Variants in PLPPR4 observed in about 807,000 individuals in gnomAD.
The protein encoded by PLPPR4 is phospholipid phosphatase related 4, also known as phospholipid phosphatase-related protein type 4.
Under a neutral mutation model 56.6 loss-of-function variants are expected in PLPPR4, and 24 were observed. That is an observed-to-expected ratio of 0.42 (90% CI 0.31 to 0.60). The LOEUF (loss-of-function observed/expected upper bound fraction) is 0.60. Among genes scored for constraint, PLPPR4 ranks in the 20% least tolerant of loss-of-function variants. The pLI is 0.13. For synonymous variants in PLPPR4, 326 were observed against 328.1 expected (o/e 0.99, Z 0.07); for missense variants, 654 against 885.8 (o/e 0.74, Z 3.32).
chr1:99,289,866 C>T, intron 2 of PLPPR4, among the ~76,000 whole-genome samples: 1 of 152,092 alleles, frequency 6.6e-6, no homozygotes, highest in East Asian at 1.9e-4. Flanking sequence ...AAGCATTCCC[C>T]ATTGAAAAAC....
In PLPPR4 at chr1:99,308,084, C is replaced by T. The variant is rs6690522; in HGVS notation, c.*1074C>T. The T allele has an allele frequency of 6.6e-6, 1 of 152,160 alleles. No individual in the cohort carries two copies. Among genetic ancestry groups the T allele is most frequent in the African/African-American group, 2.4e-5 (1 of 41,426 alleles). The allele number at this position is 152,160 out of a possible 1,614,324, so 9.4% of individuals were successfully genotyped here. On this transcript the variant is annotated 3_prime_UTR_variant, in exon 7 of 7. Coordinates refer to ENST00000370185, the MANE Select transcript of PLPPR4 (RefSeq NM_014839.5). The stretch of plus-strand genomic sequence containing the variant: ...TTTGCCCTTAGATGTCTACAACTAG[C>T]TGGCATAGGTTGCCATCTTAACAAG...
chr1:99,292,092 A>T (rs1412931770), intron 2 of PLPPR4, among the ~76,000 whole-genome samples: 1 of 152,196 alleles, frequency 6.6e-6, no homozygotes, highest in Non-Finnish European at 1.5e-5. Context: ...TACACAAATG[A>T]TCATGCCTCT....
At chr1:99,300,887 T>C in intron 4 of PLPPR4, 22 bp from the exon 5 acceptor site, 1 of 1,600,646 alleles carries the variant, frequency 6.2e-7, no homozygotes. Context: ...CAAGGCATAA[T>C]TTGACTATCT....
intron 1 of PLPPR4, among the ~76,000 whole-genome samples, chr1:99,287,230 T>G (rs1031525028): frequency 6.7e-6 from 1 of 149,644 alleles, no homozygotes; most frequent in Non-Finnish European, 1.5e-5. Context: ...TTCCTCTTTA[T>G]GGGTGCATAG....
At chr1:99,291,655 T>C (rs1463245138) in intron 2 of PLPPR4, among the ~76,000 whole-genome samples, 1 of 152,138 alleles carries the variant, frequency 6.6e-6, no homozygotes. Context: ...CCATTATCTT[T>C]AGCAAACTAA....
chr1:99,305,139 A>G (rs1023271576), intron 6 of PLPPR4, among the ~76,000 whole-genome samples: 3 of 152,174 alleles, frequency 2.0e-5, no homozygotes, highest in Admixed American at 6.6e-5. Flanking sequence ...ACCCTGTACA[A>G]TGCTGAACAC....
chr1:99,289,190 A>C (rs1659551726), intron 2 of PLPPR4, among the ~76,000 whole-genome samples: 1 of 152,152 alleles, frequency 6.6e-6, no homozygotes, highest in African/African-American at 2.4e-5. Context: ...ATGTTCATGA[A>C]TGTCAAAGGA....
intron 1 of PLPPR4, among the ~76,000 whole-genome samples, chr1:99,287,230 T>C (rs1031525028): frequency 6.7e-6 from 1 of 149,644 alleles, no homozygotes; most frequent in African/African-American, 2.5e-5. Context: ...TTCCTCTTTA[T>C]GGGTGCATAG....
chr1:99,263,518 T>C (rs1277111698), upstream of PLPPR4, among the ~76,000 whole-genome samples: 5 of 152,094 alleles, frequency 3.3e-5, no homozygotes, highest in African/African-American at 7.2e-5. Flanking sequence ...CTTGGAGATA[T>C]TGGAAATGGC....
At chr1:99,283,689 G>C (rs890051005) in intron 1 of PLPPR4, among the ~76,000 whole-genome samples, 2 of 152,170 alleles carry the variant, frequency 1.3e-5, no homozygotes, top group East Asian at 3.9e-4. Flanking sequence ...GGTGGCTCAC[G>C]CCTGTAATCC....
chr1:99,276,457 C>A (rs775640089), intron 1 of PLPPR4, among the ~76,000 whole-genome samples: 8 of 151,934 alleles, frequency 5.3e-5, no homozygotes, highest in African/African-American at 1.9e-4. Context: ...TTTTAATAAA[C>A]ATCATGAAAA....
At chr1:99,290,141 C>G (rs1270231704) in intron 2 of PLPPR4, among the ~76,000 whole-genome samples, 1 of 151,826 alleles carries the variant, frequency 6.6e-6, no homozygotes, top group African/African-American at 2.4e-5. Flanking sequence ...AATCCTATAC[C>G]CCAACAACAG....
At chr1:99,296,932 T>C in intron 3 of PLPPR4, 65 bp downstream of exon 3, 4 of 1,367,376 alleles carry the variant, frequency 2.9e-6, no homozygotes, top group Non-Finnish European at 3.9e-6. Context: ...TTATATTTAA[T>C]TATAGATATT....
chr1:99,280,070 G>A (rs1481395543), intron 1 of PLPPR4, among the ~76,000 whole-genome samples: 2 of 152,112 alleles, frequency 1.3e-5, no homozygotes, highest in Non-Finnish European at 2.9e-5. Context: ...ACAGAGTGGC[G>A]TTTTTCAAAC....
intron 6 of PLPPR4, among the ~76,000 whole-genome samples, chr1:99,302,173 T>C (rs1185971466): frequency 1.3e-5 from 2 of 152,096 alleles, no homozygotes; most frequent in East Asian, 3.8e-4. Flanking sequence ...ATTACTACTA[T>C]AATTATAATG....
chr1:99,306,264 A>G lies in PLPPR4; in HGVS notation c.1402A>G (p.Met468Val), dbSNP rs1660027254. 1 of 1,614,084 alleles carries G rather than the reference A, an allele frequency of 6.2e-7. No homozygotes were observed. Among genetic ancestry groups the G allele is most frequent in the Admixed American group, 1.7e-5 (1 of 59,996 alleles). Reference sequence around the variant, plus strand: ...CGCTGTCCCCGGATGTAACAACAGCATGCCTGGAGGGCCAAGAGTGTCCAT... The same window carrying G: ...CGCTGTCCCCGGATGTAACAACAGCGTGCCTGGAGGGCCAAGAGTGTCCAT... Reference protein sequence around the residue: ...PGAVPGCNNSMPGGPRVSIQS... With the variant: ...PGAVPGCNNSVPGGPRVSIQS... The change falls in exon 7 of 7, where the codon ATG (methionine) becomes GTG (valine). Residue 468 changes from methionine to valine, a missense_variant. Met to Val is a conservative substitution (Grantham distance 21, BLOSUM62 1). This residue lies in a region of PLPPR4 where 468 missense variants were observed against 554.3 expected (regional missense o/e 0.84). Transcript: ENST00000370185. This position sits in a 1 kb window ranked among gnomAD's most constrained non-coding sequence, Gnocchi z 4.0.
chr1:99,282,614 A>G (rs1168111676), intron 1 of PLPPR4, among the ~76,000 whole-genome samples: 1 of 152,148 alleles, frequency 6.6e-6, no homozygotes, highest in Non-Finnish European at 1.5e-5. Flanking sequence ...ATTTCAAATC[A>G]TACTACACCT....
chr1:99,289,599 A>T (rs1198707446), intron 2 of PLPPR4, among the ~76,000 whole-genome samples: 1 of 152,124 alleles, frequency 6.6e-6, no homozygotes, highest in East Asian at 1.9e-4. Flanking sequence ...TGCTCAGAAT[A>T]ACATTATTTT....
chr1:99,305,615 G>A (rs1660001612), intron 6 of PLPPR4, 70 bp from the exon 7 acceptor site: 1 of 1,476,732 alleles, frequency 6.8e-7, no homozygotes, highest in East Asian at 2.3e-5. Flanking sequence ...GTACTTCAGT[G>A]GGTACTCTAA....
Sources: gnomAD v4.1 joint callset for allele counts (sites outside exome capture counted in the v4.1 genomes callset) on GRCh38, gnomAD v4.1.1 for gene constraint, gnomAD v4.1.1 regional missense constraint, Gnocchi (gnomAD v3.1) non-coding constraint, MANE v1.5 for transcripts, NCBI Gene and HGNC (gene_info 2026-07-23, HGNC 2026-07-21) for gene names.